The following MTSS1 variants were observed in gnomAD, a reference collection of about 807,000 sequenced individuals.
MTSS1 encodes MTSS I-BAR domain containing 1.
Under a neutral mutation model 79.0 loss-of-function variants are expected in MTSS1, and 18 were observed. The observed-to-expected ratio is 0.23, with a 90% CI of 0.16 to 0.34. The LOEUF (loss-of-function observed/expected upper bound fraction) is 0.34. Ranked by LOEUF, MTSS1 falls within the 10% of genes least tolerant of loss-of-function variation. The pLI is 1.00. For missense variants in MTSS1, 815 were observed against 986.2 expected (o/e 0.83, Z 2.33); for synonymous variants, 341 against 368.6 (o/e 0.93, Z 0.86).
At chr8:124,562,658 C>T in intron 10 of MTSS1, 124 bp downstream of exon 10, 1 of 935,674 alleles carries the variant, frequency 1.1e-6, no homozygotes, top group South Asian at 1.6e-5. Flanking sequence ...GAAATTAAAC[C>T]AGAGGTTTCT....
chr8:124,564,192 GA>G (rs1825895459), intron 9 of MTSS1, among the ~76,000 whole-genome samples: 1 of 144,640 alleles, frequency 6.9e-6, no homozygotes, highest in African/African-American at 2.6e-5. Flanking sequence ...ATAAAAAGCA[GA>G]AAACAGACTC....
chr8:124,613,998 C>CA (rs1045396070), intron 3 of MTSS1, among the ~76,000 whole-genome samples: 1 of 151,890 alleles, frequency 6.6e-6, no homozygotes, highest in African/African-American at 2.4e-5. Flanking sequence ...CTCATTTCCA[C>CA]AAAACATTTT....
chr8:124,596,485 T>C (rs1832782398), intron 3 of MTSS1, among the ~76,000 whole-genome samples: 1 of 152,148 alleles, frequency 6.6e-6, no homozygotes, highest in South Asian at 2.1e-4. Flanking sequence ...GAATCATCAG[T>C]GGAAAGGAAG....
intron 1 of MTSS1, among the ~76,000 whole-genome samples, chr8:124,708,857 A>C (rs11774536): frequency 5.3e-5 from 8 of 151,736 alleles, no homozygotes; most frequent in Non-Finnish European, 8.8e-5. Context: ...TAGGCAATAT[A>C]TAATTTAATA....
At chr8:124,635,512 G>A (rs1816810471) in intron 3 of MTSS1, among the ~76,000 whole-genome samples, 2 of 152,208 alleles carry the variant, frequency 1.3e-5, no homozygotes, top group African/African-American at 4.8e-5. Context: ...CCAGGCAAAT[G>A]CCGGAACGCC....
intron 3 of MTSS1, among the ~76,000 whole-genome samples, chr8:124,602,173 A>C (rs1833945590): frequency 6.8e-6 from 1 of 146,210 alleles, no homozygotes. Context: ...ATCACAAATA[A>C]ATCTCATATA....
At chr8:124,680,374 G>A (rs1415706385) in intron 3 of MTSS1, among the ~76,000 whole-genome samples, 2 of 152,338 alleles carry the variant, frequency 1.3e-5, no homozygotes, top group East Asian at 3.9e-4. Context: ...AGATGTCAAA[G>A]CTCCAGGGGC....
rs572359501 is a variant in MTSS1 at position 124,704,334 on chromosome 8, T to A, written c.73-143A>T. 86 of 727,782 alleles carry A rather than the reference T, an allele frequency of 1.2e-4. 2 individuals are homozygous for A. The highest frequency in any genetic ancestry group is 9.4e-4 in the South Asian group (60 of 63,602). 45.1% of individuals were successfully genotyped at this position (727,782 alleles called of 1,614,324 possible). ...CAGGTCTGCAATACGTTTCCCGGAT[T>A]CTATATACATGTATTGGCTCAGGAA... On this transcript the variant is annotated intron_variant, in intron 1 of 13. Transcript: ENST00000518547.
chr8:124,581,273 G>C (rs1336413586), intron 6 of MTSS1, among the ~76,000 whole-genome samples: 2 of 134,192 alleles, frequency 1.5e-5, no homozygotes, highest in East Asian at 4.4e-4. Context: ...AGGCCACCTA[G>C]TGAGATGCTG....
chr8:124,710,851 G>C (rs992403464), intron 1 of MTSS1, among the ~76,000 whole-genome samples: 1 of 152,184 alleles, frequency 6.6e-6, no homozygotes, highest in Non-Finnish European at 1.5e-5. Flanking sequence ...AACTTGGGAG[G>C]AGCCACAGAG....
chr8:124,702,898 G>C (rs1008373860), intron 2 of MTSS1, among the ~76,000 whole-genome samples: 5 of 152,174 alleles, frequency 3.3e-5, no homozygotes, highest in Admixed American at 2.0e-4. Context: ...AAAGGGTAGA[G>C]CTTTAATAAG....
At chr8:124,571,942 C>A (rs570649310) in intron 6 of MTSS1, among the ~76,000 whole-genome samples, 2 of 151,696 alleles carry the variant, frequency 1.3e-5, no homozygotes, top group South Asian at 4.2e-4. Flanking sequence ...CCAGCCTGGG[C>A]GACAGAGCAA....
Position 124,552,006 on chromosome 8 carries a change from A to C in MTSS1, c.*986T>G, listed in dbSNP as rs1822596973. On this transcript the variant is annotated 3_prime_UTR_variant, in exon 14 of 14. Transcript: ENST00000518547. ...CGCACCCAGCCTGCTGGGCACAGTT[A>C]AGTAAAAGGCATTTACTATAATCTA... 1 of 152,700 alleles carries C rather than the reference A, an allele frequency of 6.5e-6. No homozygotes were observed. Among genetic ancestry groups the C allele is most frequent in the Non-Finnish European group, 1.5e-5 (1 of 68,050 alleles). 9.5% of individuals were successfully genotyped at this position (152,700 alleles called of 1,614,324 possible). A position where few individuals can be genotyped will look rare whatever the true frequency, so the allele number is the denominator to read the frequency against.
intron 7 of MTSS1, among the ~76,000 whole-genome samples, chr8:124,567,485 G>A (rs921965717): frequency 6.6e-6 from 1 of 152,212 alleles, no homozygotes; most frequent in Non-Finnish European, 1.5e-5. Flanking sequence ...GTGTTCCCAC[G>A]GGATCCTGCA....
At chr8:124,579,944 A>G (rs984962075) in intron 6 of MTSS1, 1 of 152,472 alleles carries the variant, frequency 6.6e-6, no homozygotes, top group African/African-American at 2.4e-5. Flanking sequence ...TTCAACATTC[A>G]GTCAAGAAGA....
intron 3 of MTSS1, among the ~76,000 whole-genome samples, chr8:124,643,886 GAATTGTTTGTAT>G (rs1374441980): frequency 6.6e-6 from 1 of 152,048 alleles, no homozygotes; most frequent in Non-Finnish European, 1.5e-5. Context: ...TGTTGTCAGA[GAATTGTTTGTAT>G]TTTTGAAATT....
intron 3 of MTSS1, among the ~76,000 whole-genome samples, chr8:124,672,765 G>A (rs1423501440): frequency 6.6e-6 from 1 of 152,054 alleles, no homozygotes; most frequent in African/African-American, 2.4e-5. Flanking sequence ...AGCTGAGATT[G>A]TGCCACTGCA....
intron 3 of MTSS1, among the ~76,000 whole-genome samples, chr8:124,614,088 C>T (rs1218783662): frequency 6.9e-6 from 1 of 145,832 alleles, no homozygotes; most frequent in African/African-American, 2.5e-5. Flanking sequence ...GGTTTAAGCC[C>T]AATAGGCTGA....
At position 124,582,092 on chromosome 8, in the gene MTSS1, C is replaced by T. The variant is rs375304474; in HGVS notation, c.460+2995G>A. On this transcript the variant is annotated intron_variant, in intron 6 of 13. Coordinates refer to ENST00000518547, the MANE Select transcript of MTSS1 (RefSeq NM_014751.6). The surrounding 1 kb of genome is among the most constrained non-coding windows in gnomAD (Gnocchi z 4.8). ...TGCCCCGTGCTCTTGACCCTGTGCA[C>T]GAGCCCAGAATTTCTCTGAGGGTGA... Among the ~76,000 whole-genome samples, 15 of 152,242 alleles carry T rather than the reference C, an allele frequency of 9.9e-5. No homozygotes were observed. In the East Asian group the frequency reaches 2.3e-3, roughly 24 times the overall value.
Sources: gnomAD v4.1 joint callset for allele counts (sites outside exome capture counted in the v4.1 genomes callset) on GRCh38, gnomAD v4.1.1 for gene constraint, Gnocchi (gnomAD v3.1) non-coding constraint, MANE v1.5 for transcripts, NCBI Gene and HGNC (gene_info 2026-07-23, HGNC 2026-07-21) for gene names.